MARCHF1: variants seen among roughly 807,000 people sequenced by gnomAD.
MARCHF1 encodes the protein E3 ubiquitin-protein ligase MARCHF1.
Under a neutral mutation model 54.2 loss-of-function variants are expected in MARCHF1, and 40 were observed. That is an observed-to-expected ratio of 0.74 (90% CI 0.57 to 0.96). The LOEUF (loss-of-function observed/expected upper bound fraction) is 0.96, where lower values mean the gene tolerates loss of function less well. Ranked by LOEUF, MARCHF1 falls within the 40% of genes least tolerant of loss-of-function variation. MARCHF1 has a pLI of 0.00. For synonymous variants in MARCHF1, 236 were observed against 236.3 expected (o/e 1.00, Z 0.01); for missense variants, 586 against 656.5 (o/e 0.89, Z 1.17).
At chr4:164,158,510 G>C (rs1299073195) in intron 1 of MARCHF1, among the ~76,000 whole-genome samples, 2 of 151,932 alleles carry the variant, frequency 1.3e-5, no homozygotes, top group South Asian at 2.1e-4. Context: ...GTGTGGTGAC[G>C]GGCGCCTATA....
At chr4:164,105,934 C>A (rs1755686060) in intron 2 of MARCHF1, among the ~76,000 whole-genome samples, 3 of 147,046 alleles carry the variant, frequency 2.0e-5, no homozygotes, top group Non-Finnish European at 4.5e-5. Flanking sequence ...AAACAAACAA[C>A]CCCATCAAAA....
In MARCHF1 at chr4:164,235,634, G is replaced by GT. The variant is rs112914027; in HGVS notation, c.-322-123973dup. Among the ~76,000 whole-genome samples, 508 of 152,208 alleles carry GT rather than the reference G, an allele frequency of 3.3e-3. 2 individuals carry two copies. Among genetic ancestry groups the GT allele is most frequent in the African/African-American group, 0.012 (487 of 41,544 alleles). On this transcript the variant is annotated intron_variant, in intron 1 of 9. Coordinates refer to ENST00000514618, the MANE Select transcript of MARCHF1 (RefSeq NM_001394959.1). ...TTATTCTAAGTGAAGTAACACAGGA[G>GT]TGGAAAACCAAAGACTGTATGTGCT...
rs62334076 is a variant in MARCHF1, at chr4:163,591,693, G to C, written c.1011-5764C>G. 5.8e-3 allele frequency among the ~76,000 whole-genome samples: 878 copies of C among 152,238 alleles called. 3 individuals carry two copies. The highest frequency in any genetic ancestry group is 0.036 in the South Asian group (173 of 4,818). On this transcript the variant is annotated intron_variant, in intron 7 of 9. Coordinates refer to ENST00000514618, the MANE Select transcript of MARCHF1 (RefSeq NM_001394959.1). ...AGACCAAAAAAAGCCAGCTTAGTCA[G>C]ATCATATGGCAATTCTCAGAAGTTG...
intron 1 of MARCHF1, among the ~76,000 whole-genome samples, chr4:164,260,537 C>G (rs1733432750): frequency 6.6e-6 from 1 of 151,980 alleles, no homozygotes. Context: ...CCTCCAGGGG[C>G]CTCACATTAG....
intron 5 of MARCHF1, 60 bp downstream of exon 5, chr4:163,700,753 A>G: frequency 8.2e-7 from 1 of 1,225,926 alleles, no homozygotes; most frequent in Middle Eastern, 1.9e-4. Flanking sequence ...CATTATAAAC[A>G]TTTATGTGAA....
At chr4:163,677,724 G>T (rs1436764951) in intron 5 of MARCHF1, among the ~76,000 whole-genome samples, 2 of 152,124 alleles carry the variant, frequency 1.3e-5, no homozygotes, top group Non-Finnish European at 2.9e-5. Flanking sequence ...TAGTGTAAAA[G>T]CCCTATTGAG....
chr4:163,712,052 T>A (rs185244102), intron 4 of MARCHF1, among the ~76,000 whole-genome samples: 12 of 152,322 alleles, frequency 7.9e-5, no homozygotes, highest in African/African-American at 2.6e-4. Flanking sequence ...ACTTTCTGTA[T>A]AAGAGTTATA....
At position 163,632,680 on chromosome 4, in the gene MARCHF1, A is replaced by G. The variant is rs949972365; in HGVS notation, c.163-19287T>C. 1.2e-3 allele frequency among the ~76,000 whole-genome samples: 181 copies of G among 152,310 alleles called. 3 individuals are homozygous for G. Among genetic ancestry groups the G allele is most frequent in the Middle Eastern group, 0.01 (3 of 294 alleles). ...CAGCGAGGCTGGGGGAGGGGCGCCC[A>G]CCATTGCCCAGGCTTGCTTAGGTAA... is the stretch of plus-strand genomic sequence containing the variant. On this transcript the variant is annotated intron_variant, in intron 5 of 9. Coordinates refer to ENST00000514618, the MANE Select transcript of MARCHF1 (RefSeq NM_001394959.1).
At chr4:164,068,168 C>T (rs944908060) in intron 2 of MARCHF1, among the ~76,000 whole-genome samples, 2 of 152,190 alleles carry the variant, frequency 1.3e-5, no homozygotes, top group Admixed American at 6.5e-5. Context: ...ATGTAGATTT[C>T]CCAAAGAACT....
At chr4:164,049,625 G>C (rs62348143) in intron 2 of MARCHF1, among the ~76,000 whole-genome samples, 70,430 of 151,740 alleles carry the variant, frequency 0.46, 17,962 homozygotes, top group Non-Finnish European at 0.57. Context: ...GGATACATAT[G>C]TTTATCCTTT....
intron 2 of MARCHF1, among the ~76,000 whole-genome samples, chr4:164,042,033 C>A (rs1754140149): frequency 6.6e-6 from 1 of 152,118 alleles, no homozygotes; most frequent in South Asian, 2.1e-4. Context: ...CCAAGAAATA[C>A]CAATACTGCT....
At chr4:164,070,903 C>T (rs1459159679) in intron 2 of MARCHF1, among the ~76,000 whole-genome samples, 1 of 152,178 alleles carries the variant, frequency 6.6e-6, no homozygotes, top group Non-Finnish European at 1.5e-5. Flanking sequence ...AGGCCCTTCT[C>T]CTACTGTTTG....
At chr4:164,193,031 A>G (rs975756745) in intron 1 of MARCHF1, among the ~76,000 whole-genome samples, 1 of 152,142 alleles carries the variant, frequency 6.6e-6, no homozygotes, top group African/African-American at 2.4e-5. Flanking sequence ...TGATATAGCT[A>G]AATTCTTACT....
intron 4 of MARCHF1, among the ~76,000 whole-genome samples, chr4:163,714,123 T>TCTC (rs1404809814): frequency 3.9e-5 from 6 of 152,222 alleles, no homozygotes; most frequent in African/African-American, 1.2e-4. Context: ...TATTTAGAAA[T>TCTC]ATTATACACA....
chr4:163,566,302 C>T (rs1245795757), intron 8 of MARCHF1, among the ~76,000 whole-genome samples: 1 of 152,156 alleles, frequency 6.6e-6, no homozygotes, highest in African/African-American at 2.4e-5. Flanking sequence ...GTCCGGGCTG[C>T]CCTTTGCTTT....
chr4:163,552,984 G>A lies in MARCHF1; in HGVS notation c.1192-7241C>T, dbSNP rs1739160895. Among the ~76,000 whole-genome samples the A allele has an allele frequency of 2.0e-5, 3 of 148,114 alleles. 1 individual carries two copies. The South Asian group carries it at 6.4e-4, about 32-fold the overall frequency. ...GGAGGCGGAGCTTGCAGTGAGCCGAGATCGCGCCACTGCCCTCCAGCCTGG... is the reference window on the plus strand; with the variant it reads ...GGAGGCGGAGCTTGCAGTGAGCCGAAATCGCGCCACTGCCCTCCAGCCTGG... On this transcript the variant is annotated intron_variant, in intron 8 of 9. Transcript: ENST00000514618.
chr4:163,704,597 T>C (rs1384253769), intron 4 of MARCHF1, among the ~76,000 whole-genome samples: 1 of 151,640 alleles, frequency 6.6e-6, no homozygotes, highest in Non-Finnish European at 1.5e-5. Flanking sequence ...GAAAAGTGAC[T>C]CGTAAGTCTT....
chr4:163,818,638 A>G (rs550679398), intron 4 of MARCHF1, among the ~76,000 whole-genome samples: 1 of 151,892 alleles, frequency 6.6e-6, no homozygotes, highest in Non-Finnish European at 1.5e-5. Context: ...AAACCTTTGC[A>G]TGTTATCCTC....
intron 4 of MARCHF1, among the ~76,000 whole-genome samples, chr4:163,760,956 T>A (rs1746810503): frequency 1.3e-5 from 2 of 152,292 alleles, no homozygotes; most frequent in African/African-American, 4.8e-5. Flanking sequence ...TCACGATTAG[T>A]CCAACTCCAA....
Sources: allele counts gnomAD v4.1 joint callset (sites outside exome capture counted in the v4.1 genomes callset), GRCh38; gene constraint gnomAD v4.1.1; transcripts MANE v1.5; gene names NCBI Gene and HGNC (gene_info 2026-07-23, HGNC 2026-07-21).